TANC2: variants seen among roughly 807,000 people sequenced by gnomAD.
The protein encoded by TANC2 is tetratricopeptide repeat, ankyrin repeat and coiled-coil containing 2.
A neutral mutation model predicts 210.5 loss-of-function variants in TANC2; 26 were observed. The observed-to-expected ratio is 0.12, with a 90% CI of 0.09 to 0.17. The LOEUF (loss-of-function observed/expected upper bound fraction) is 0.17. Ranked by LOEUF, TANC2 falls within the 10% of genes least tolerant of loss-of-function variation. The pLI, the probability that TANC2 is intolerant of heterozygous loss-of-function variation, is 1.00. For synonymous variants in TANC2, 931 were observed against 967.1 expected, an observed-to-expected ratio of 0.96 and a Z score of 0.69; for missense variants, 2,129 against 2,608.9, an observed-to-expected ratio of 0.82 and a Z score of 4.01.
intron 26 of TANC2, among the ~76,000 whole-genome samples, chr17:63,416,318 G>T (rs554245661): frequency 6.6e-6 from 1 of 152,204 alleles, no homozygotes; most frequent in Admixed American, 6.5e-5. Flanking sequence ...CCTTTAACGT[G>T]AAGACACTCC....
intron 10 of TANC2, among the ~76,000 whole-genome samples, chr17:63,317,132 A>C (rs1325920511): frequency 6.6e-6 from 1 of 152,078 alleles, no homozygotes; most frequent in East Asian, 1.9e-4. Context: ...GGAGTTCCCA[A>C]CTTCTTTCTC....
intron 12 of TANC2, among the ~76,000 whole-genome samples, chr17:63,349,226 A>G (rs117480261): frequency 6.6e-6 from 1 of 152,278 alleles, no homozygotes; most frequent in Non-Finnish European, 1.5e-5. Context: ...TACTTTACTC[A>G]TGGGCTTAAT....
intron 18 of TANC2, chr17:63,396,626 A>G (rs1375576397): frequency 1.3e-5 from 2 of 152,210 alleles, no homozygotes; most frequent in Non-Finnish European, 2.9e-5. Flanking sequence ...TTGCCGTGGA[A>G]TACTACACAG....
chr17:63,346,677 A>G (rs1400117571), intron 12 of TANC2, among the ~76,000 whole-genome samples: 5 of 152,132 alleles, frequency 3.3e-5, no homozygotes, highest in African/African-American at 1.2e-4. Context: ...GGACTATACA[A>G]TAGCGCTACT....
intron 9 of TANC2, among the ~76,000 whole-genome samples, chr17:63,292,825 T>C (rs72845247): frequency 0.15 from 22,793 of 152,124 alleles, 2,030 homozygotes; most frequent in Middle Eastern, 0.21. Context: ...TTTATCTCCA[T>C]GGTATCATTA....
At chr17:63,025,565 G>T (rs1288294840) in intron 2 of TANC2, among the ~76,000 whole-genome samples, 1 of 152,138 alleles carries the variant, frequency 6.6e-6, no homozygotes, top group Non-Finnish European at 1.5e-5. Flanking sequence ...GGAGGCTGAG[G>T]TGGGCGGATC....
At chr17:63,054,140 A>G (rs939338814) in intron 2 of TANC2, among the ~76,000 whole-genome samples, 1 of 152,218 alleles carries the variant, frequency 6.6e-6, no homozygotes, top group African/African-American at 2.4e-5. Context: ...TTAAAATGGT[A>G]GTACTACTTG....
chr17:63,375,589 G>A (rs1004317617), intron 14 of TANC2, among the ~76,000 whole-genome samples: 1 of 152,198 alleles, frequency 6.6e-6, no homozygotes, highest in Non-Finnish European at 1.5e-5. Flanking sequence ...AGTCACAGTG[G>A]AACAGCCATG....
intron 4 of TANC2, among the ~76,000 whole-genome samples, chr17:63,140,102 A>G (rs1342251534): frequency 6.6e-6 from 1 of 152,228 alleles, no homozygotes; most frequent in Non-Finnish European, 1.5e-5. Flanking sequence ...GAAAATCAAT[A>G]TCATGAACAT....
chr17:63,361,917 G>A (rs2046969338), intron 14 of TANC2, among the ~76,000 whole-genome samples: 1 of 152,254 alleles, frequency 6.6e-6, no homozygotes, highest in Admixed American at 6.5e-5. Flanking sequence ...TCACCAGAGA[G>A]GAGACCTGGA....
chr17:63,312,039 A>G (rs2045142732), intron 9 of TANC2, among the ~76,000 whole-genome samples: 1 of 152,182 alleles, frequency 6.6e-6, no homozygotes, highest in Non-Finnish European at 1.5e-5. Flanking sequence ...TAGTGAATAT[A>G]CTAAAAACCA....
intron 1 of TANC2, among the ~76,000 whole-genome samples, chr17:62,981,153 C>A (rs2032276868): frequency 6.6e-6 from 1 of 152,126 alleles, no homozygotes. Flanking sequence ...TTTCACGTTC[C>A]CATTGCTTAG....
intron 13 of TANC2, among the ~76,000 whole-genome samples, chr17:63,353,980 C>T (rs962506419): frequency 6.6e-6 from 1 of 151,840 alleles, no homozygotes; most frequent in Admixed American, 6.6e-5. Flanking sequence ...TTATAGATAG[C>T]GAATACAGAA....
In TANC2 at chr17:63,325,597, G is replaced by A. The variant is rs1169793538; in HGVS notation, c.1575+6507G>A. Among the ~76,000 whole-genome samples, 4 of 152,324 alleles carry A rather than the reference G, an allele frequency of 2.6e-5. No individual in the cohort carries two copies. The East Asian group carries it at 7.7e-4, about 29-fold the overall frequency. ...CCTGCTAAACTGTGGAGGGCAGACAGGGGTCATAGCTATATTACTCATTAT... is the reference window on the plus strand; with the variant it reads ...CCTGCTAAACTGTGGAGGGCAGACAAGGGTCATAGCTATATTACTCATTAT... On this transcript the variant is annotated intron_variant, in intron 11 of 27. Coordinates refer to ENST00000689528, the Ensembl canonical transcript of TANC2.
chr17:63,306,965 C>G (rs2044933134), intron 9 of TANC2, among the ~76,000 whole-genome samples: 1 of 152,066 alleles, frequency 6.6e-6, no homozygotes, highest in Non-Finnish European at 1.5e-5. Context: ...AAATGATGAG[C>G]AGTAGGGAAA....
chr17:63,101,509 A>G (rs929713265), intron 4 of TANC2, among the ~76,000 whole-genome samples: 1 of 152,216 alleles, frequency 6.6e-6, no homozygotes. Flanking sequence ...TGGCACAGTT[A>G]AAAGCAGTTT....
intron 14 of TANC2, among the ~76,000 whole-genome samples, chr17:63,379,389 A>T (rs1030514767): frequency 6.6e-6 from 1 of 152,180 alleles, no homozygotes; most frequent in Non-Finnish European, 1.5e-5. Flanking sequence ...TAACATTTCT[A>T]TTAAAATGAA....
intron 2 of TANC2, among the ~76,000 whole-genome samples, chr17:63,044,934 T>C (rs79336890): frequency 1.1e-4 from 17 of 152,202 alleles, no homozygotes; most frequent in Non-Finnish European, 2.2e-4. Context: ...CTTTTTCTTA[T>C]TGATTTATAG....
At chr17:63,132,231 T>G (rs1361637105) in intron 4 of TANC2, among the ~76,000 whole-genome samples, 4 of 152,184 alleles carry the variant, frequency 2.6e-5, no homozygotes, top group Admixed American at 6.5e-5. Flanking sequence ...ACCTCTATCC[T>G]ACTACTAGGA....
Sources: allele counts gnomAD v4.1 joint callset (sites outside exome capture counted in the v4.1 genomes callset), GRCh38; gene constraint gnomAD v4.1.1; transcripts MANE v1.5; gene names NCBI Gene and HGNC (gene_info 2026-07-23, HGNC 2026-07-21).